Variants in SYNE3 observed in about 807,000 individuals in gnomAD.
SYNE3 encodes nesprin-3.
SYNE3 carries 100 observed loss-of-function variants against 111.2 expected under a neutral mutation model. The observed-to-expected ratio is 0.90, with a 90% CI of 0.77 to 1.06. SYNE3 has a LOEUF of 1.06. Among genes scored for constraint, SYNE3 ranks in the 50% least tolerant of loss-of-function variants. The pLI is 0.00. For synonymous variants in SYNE3, 547 were observed against 533.9 expected (o/e 1.02, Z -0.34); for missense variants, 1,160 against 1,240.3 (o/e 0.94, Z 0.97).
At chr14:95,463,119 G>T (rs1160846251) in intron 4 of SYNE3, among the ~76,000 whole-genome samples, 1 of 152,154 alleles carries the variant, frequency 6.6e-6, no homozygotes, top group Non-Finnish European at 1.5e-5. Context: ...TCATGCCATT[G>T]TACTCCAGCC....
rs377265137 is a variant in SYNE3, at chr14:95,440,089, C to T, written c.1912-14G>A. On this transcript the variant is annotated splice_polypyrimidine_tract_variant and intron_variant, in intron 11 of 17. Coordinates refer to ENST00000682763, the MANE Select transcript of SYNE3 (RefSeq NM_152592.6). ...GTCCACAAGGTCCTGCAGCACAGCC[C>T]GGGGAGCCCAGGGCATCCTGAGTGC... is the stretch of plus-strand genomic sequence containing the variant. 20 of 1,586,372 alleles carry T rather than the reference C, an allele frequency of 1.3e-5. No homozygotes were observed. The highest frequency in any genetic ancestry group is 1.4e-5 in the Non-Finnish European group (16 of 1,170,096).
At chr14:95,420,998 G>T (rs762361292) in intron 17 of SYNE3, among the ~76,000 whole-genome samples, 5 of 152,106 alleles carry the variant, frequency 3.3e-5, no homozygotes, top group African/African-American at 7.2e-5. Context: ...AATAAGTCTC[G>T]CAAGATCTGA....
intron 8 of SYNE3, 103 bp from the exon 9 acceptor site, chr14:95,446,194 A>C: frequency 1.1e-5 from 15 of 1,374,836 alleles, no homozygotes; most frequent in Non-Finnish European, 1.4e-5. Context: ...TAGGAAGCTC[A>C]CCTTTGTGCA....
In SYNE3 at chr14:95,467,272, C is replaced by T. The variant is rs192744198; in HGVS notation, c.317+523G>A. Among the ~76,000 whole-genome samples, 4 of 152,304 alleles carry T rather than the reference C, an allele frequency of 2.6e-5. No individual in the cohort carries two copies. In the East Asian group the frequency reaches 7.7e-4, roughly 29 times the overall value. ...CGCTCTTGATATTTGCTATCCCCTC[C>T]TAACTTCCTAACAACCTTCAAGGAG... On this transcript the variant is annotated intron_variant, in intron 3 of 17. Coordinates refer to ENST00000682763, the MANE Select transcript of SYNE3 (RefSeq NM_152592.6).
chr14:95,440,145 C>A, intron 11 of SYNE3, 70 bp from the exon 12 acceptor site: 2 of 1,506,370 alleles, frequency 1.3e-6, no homozygotes, highest in Non-Finnish European at 1.8e-6. Flanking sequence ...GCACCACCCC[C>A]ACCCTGCAGG....
intron 1 of SYNE3, among the ~76,000 whole-genome samples, chr14:95,499,329 T>C (rs1316289972): frequency 6.6e-6 from 1 of 152,158 alleles, no homozygotes; most frequent in East Asian, 1.9e-4. Flanking sequence ...CCAAGAAGTT[T>C]AACAGGACAT....
At position 95,414,183 on chromosome 14, in the gene SYNE3, C is replaced by G. The variant is rs1903504564; in HGVS notation, c.*3643G>C. 6.6e-6 allele frequency: 1 copy of G among 152,200 alleles called. No individual in the cohort carries two copies. The highest frequency in any genetic ancestry group is 1.5e-5 in the Non-Finnish European group (1 of 68,046). 9.4% of individuals were successfully genotyped at this position (152,200 alleles called of 1,614,324 possible). On this transcript the variant is annotated 3_prime_UTR_variant, in exon 18 of 18. Coordinates refer to ENST00000682763, the MANE Select transcript of SYNE3 (RefSeq NM_152592.6). Reference sequence around the variant, plus strand: ...CCTGGTAGAACCAGCCTGAAGCCCCCCTCCAGCCTGGGCTTTGGGGTCCTC... The same window carrying G: ...CCTGGTAGAACCAGCCTGAAGCCCCGCTCCAGCCTGGGCTTTGGGGTCCTC...
chr14:95,436,425 C>T (rs1566960862), intron 15 of SYNE3, among the ~76,000 whole-genome samples: 2 of 152,168 alleles, frequency 1.3e-5, no homozygotes, highest in African/African-American at 4.8e-5. Flanking sequence ...CCCAACTGAC[C>T]TACAACTGAC....
intron 4 of SYNE3, among the ~76,000 whole-genome samples, chr14:95,462,888 A>G (rs543745383): frequency 6.6e-6 from 1 of 152,350 alleles, no homozygotes; most frequent in South Asian, 2.1e-4. Context: ...GGCCAGGTAC[A>G]GTGGCTCACT....
At chr14:95,457,419 G>GGT (rs36203973) in intron 4 of SYNE3, 81 bp from the exon 5 acceptor site, 15,219 of 1,385,004 alleles carry the variant, frequency 0.011, 31 homozygotes, top group African/African-American at 0.029. Flanking sequence ...AGCCTGCCTG[G>GGT]GTGTGTGTGT....
At chr14:95,456,910 C>G (rs924882920) in intron 5 of SYNE3, among the ~76,000 whole-genome samples, 4 of 152,060 alleles carry the variant, frequency 2.6e-5, no homozygotes, top group Non-Finnish European at 5.9e-5. Context: ...TGGTGAAACC[C>G]TGTCTCTACT....
chr14:95,478,677 T>C (rs1038932903), intron 1 of SYNE3, among the ~76,000 whole-genome samples: 1 of 152,198 alleles, frequency 6.6e-6, no homozygotes, highest in East Asian at 1.9e-4. Context: ...ACTCTTCCTG[T>C]AAAGGGTCAG....
At chr14:95,441,072 A>G (rs1226123867) in intron 11 of SYNE3, among the ~76,000 whole-genome samples, 3 of 152,134 alleles carry the variant, frequency 2.0e-5, no homozygotes, top group Non-Finnish European at 1.5e-5. Flanking sequence ...CTTTCTTTAC[A>G]TAGCCTGCCA....
At chr14:95,469,148 G>A (rs1472112544) in intron 2 of SYNE3, among the ~76,000 whole-genome samples, 3 of 152,122 alleles carry the variant, frequency 2.0e-5, no homozygotes, top group Non-Finnish European at 4.4e-5. Context: ...TAAAGCTCAA[G>A]CTCAGATCCC....
rs1477284050 is a variant in SYNE3 at position 95,457,290 on chromosome 14, G to T, written c.676C>A (p.Gln226Lys). ...EQVAREHEEY[Q>K]AGVDEFQLWL... ...AGTTGGAACTCGTCCACACCTGCCT[G>T]GTACTCCTCATGCTCCCGGGCCACC... Residue 226 changes from glutamine (Q) to lysine (K), a missense_variant, in exon 5 of 18, where the codon CAG (glutamine) becomes AAG (lysine). Gln to Lys is a moderately conservative substitution (Grantham distance 53). Transcript: ENST00000682763. 1.2e-6 allele frequency: 2 copies of T among 1,614,072 alleles called. No individual in the cohort carries two copies. The highest frequency in any genetic ancestry group is 1.7e-6 in the Non-Finnish European group (2 of 1,180,016).
intron 1 of SYNE3, among the ~76,000 whole-genome samples, chr14:95,503,971 T>C (rs999080918): frequency 6.6e-6 from 1 of 152,172 alleles, no homozygotes; most frequent in Non-Finnish European, 1.5e-5. Context: ...AGCTCAAACC[T>C]GCAAGACTCA....
chr14:95,469,408 C>G (rs114337938), intron 2 of SYNE3, among the ~76,000 whole-genome samples: 1 of 151,562 alleles, frequency 6.6e-6, no homozygotes, highest in Non-Finnish European at 1.5e-5. Context: ...TTTAAAAACA[C>G]TTTTATCCAG....
At chr14:95,457,484 A>G (rs1354273599) in intron 4 of SYNE3, 146 bp from the exon 5 acceptor site, 41 of 845,536 alleles carry the variant, frequency 4.8e-5, no homozygotes, top group Non-Finnish European at 7.3e-6. Flanking sequence ...CTTTCTCTAG[A>G]CACAAAGAGC....
At chr14:95,494,728 A>C (rs1199432048) in intron 1 of SYNE3, among the ~76,000 whole-genome samples, 1 of 152,220 alleles carries the variant, frequency 6.6e-6, no homozygotes, top group African/African-American at 2.4e-5. Flanking sequence ...CCCTTGCAAC[A>C]GGGCACCTTA....
Sources: gnomAD v4.1 joint callset for allele counts (sites outside exome capture counted in the v4.1 genomes callset) on GRCh38, gnomAD v4.1.1 for gene constraint, MANE v1.5 for transcripts, NCBI Gene and HGNC (gene_info 2026-07-23, HGNC 2026-07-21) for gene names.